The following ZNF385D variants were observed in gnomAD, a reference collection of about 807,000 sequenced individuals.
The protein encoded by ZNF385D is zinc finger protein 659.
A neutral mutation model predicts 35.8 loss-of-function variants in ZNF385D; 15 were observed. The observed-to-expected ratio is 0.42, with a 90% CI of 0.28 to 0.64. The LOEUF (loss-of-function observed/expected upper bound fraction) is 0.64, where lower values mean the gene tolerates loss of function less well. ZNF385D is among the 30% of genes least tolerant of loss of function. The probability of loss-of-function intolerance (pLI) is 0.23; values close to 1 mark genes in which losing one functional copy is unlikely to be tolerated. For missense variants in ZNF385D, 474 were observed against 494.6 expected (o/e 0.96, Z 0.39); for synonymous variants, 212 against 186.8 (o/e 1.13, Z -1.10).
chr3:22,118,189 GTCTC>G (rs1281746238), intron 3 of ZNF385D, among the ~76,000 whole-genome samples: 3 of 152,008 alleles, frequency 2.0e-5, no homozygotes, highest in Non-Finnish European at 4.4e-5. Context: ...AATTGCTAAT[GTCTC>G]TCTTATTCCA....
intron 2 of ZNF385D, among the ~76,000 whole-genome samples, chr3:21,641,653 T>TA (rs71618867): frequency 3.6e-5 from 5 of 140,592 alleles, no homozygotes; most frequent in African/African-American, 8.1e-5. Flanking sequence ...TTTTTTTTTT[T>TA]AATATAGAGA....
intron 3 of ZNF385D, among the ~76,000 whole-genome samples, chr3:22,068,161 G>A (rs1451542843): frequency 1.3e-5 from 2 of 152,184 alleles, no homozygotes; most frequent in African/African-American, 2.4e-5. Flanking sequence ...CGGTTCATCT[G>A]CCTTACTTTA....
intron 3 of ZNF385D, among the ~76,000 whole-genome samples, chr3:22,025,441 C>T (rs556474413): frequency 6.6e-6 from 1 of 152,172 alleles, no homozygotes; most frequent in South Asian, 2.1e-4. Context: ...TTTGAGTTCT[C>T]TAATCTATAT....
chr3:22,022,315 C>G (rs191002099), intron 3 of ZNF385D, among the ~76,000 whole-genome samples: 8 of 152,170 alleles, frequency 5.3e-5, no homozygotes, highest in Admixed American at 3.9e-4. Context: ...ACATTAATTA[C>G]TGAATTAATG....
chr3:21,749,391 A>T (rs571075562), intron 1 of ZNF385D, among the ~76,000 whole-genome samples: 1 of 152,202 alleles, frequency 6.6e-6, no homozygotes, highest in Admixed American at 6.5e-5. Flanking sequence ...CGACGATCAC[A>T]TAAGGAATTG....
intron 3 of ZNF385D, among the ~76,000 whole-genome samples, chr3:21,953,971 G>A (rs977699812): frequency 2.6e-5 from 4 of 151,982 alleles, no homozygotes; most frequent in Admixed American, 1.3e-4. Context: ...TTATAAAATC[G>A]TGGATAAATA....
At chr3:22,271,657 G>C (rs1701183938) in intron 2 of ZNF385D, among the ~76,000 whole-genome samples, 1 of 151,632 alleles carries the variant, frequency 6.6e-6, no homozygotes, top group Non-Finnish European at 1.5e-5. Context: ...TTGTGCACTT[G>C]CTGTTCTTTA....
intron 1 of ZNF385D, among the ~76,000 whole-genome samples, chr3:21,674,493 C>G (rs2066664465): frequency 6.6e-6 from 1 of 152,034 alleles, no homozygotes; most frequent in Non-Finnish European, 1.5e-5. Context: ...ATTTAGACCC[C>G]AAAATGTGAA....
intron 2 of ZNF385D, among the ~76,000 whole-genome samples, chr3:22,287,602 T>C (rs1259705884): frequency 1.3e-5 from 2 of 151,966 alleles, no homozygotes; most frequent in African/African-American, 4.8e-5. Flanking sequence ...TTTAAACTAA[T>C]AAAAATCTAA....
chr3:22,120,430 C>A (rs190617249), intron 3 of ZNF385D, among the ~76,000 whole-genome samples: 7 of 152,156 alleles, frequency 4.6e-5, no homozygotes, highest in South Asian at 2.1e-4. Flanking sequence ...ACCCTTATGA[C>A]CTCGTATAAG....
chr3:22,089,715 T>C (rs1362111586), intron 3 of ZNF385D, among the ~76,000 whole-genome samples: 1 of 152,222 alleles, frequency 6.6e-6, no homozygotes, highest in Non-Finnish European at 1.5e-5. Context: ...TCTTTGAGCA[T>C]GCTATCTCAG....
chr3:21,603,333 G>C (rs1286813939), intron 2 of ZNF385D, among the ~76,000 whole-genome samples: 2 of 152,134 alleles, frequency 1.3e-5, no homozygotes, highest in Admixed American at 6.5e-5. Context: ...AAGGGAATTT[G>C]GCAATGTCTT....
At chr3:21,650,953 A>T (rs1399563254) in intron 2 of ZNF385D, among the ~76,000 whole-genome samples, 3 of 152,100 alleles carry the variant, frequency 2.0e-5, no homozygotes, top group Non-Finnish European at 4.4e-5. Context: ...TATGATTTTC[A>T]GGACCTCGCA....
intron 2 of ZNF385D, among the ~76,000 whole-genome samples, chr3:21,591,443 A>G (rs190513077): frequency 4.6e-5 from 7 of 152,296 alleles, no homozygotes; most frequent in Non-Finnish European, 1.0e-4. Flanking sequence ...GAAATTTAAT[A>G]GACTTCCAGA....
chr3:22,159,102 T>C (rs1451872832), intron 3 of ZNF385D, among the ~76,000 whole-genome samples: 2 of 151,932 alleles, frequency 1.3e-5, no homozygotes, highest in African/African-American at 2.4e-5. Flanking sequence ...AAGGTAGCTC[T>C]ATGTGTACTA....
rs1035775446 is a variant in ZNF385D at position 22,238,876 on chromosome 3, GCATGCAC to G, written c.107-69848_107-69842del. Among the ~76,000 whole-genome samples, 4 of 150,380 alleles carry G rather than the reference GCATGCAC, an allele frequency of 2.7e-5. 1 individual carries two copies. Among genetic ancestry groups the G allele is most frequent in the African/African-American group, 9.9e-5 (4 of 40,438 alleles). Reference sequence around the variant, plus strand: ...GCCTCTGGAGTAGCTGGGATTACAGGCATGCACCACTATGCAGTTATTTTTTCTTTTG... The same window carrying G: ...GCCTCTGGAGTAGCTGGGATTACAGGCACTATGCAGTTATTTTTTCTTTTG... On this transcript the variant is annotated intron_variant, in intron 2 of 5. Transcript: ENST00000494108.
At chr3:22,041,361 A>C (rs886846627) in intron 3 of ZNF385D, among the ~76,000 whole-genome samples, 1 of 152,162 alleles carries the variant, frequency 6.6e-6, no homozygotes. Flanking sequence ...ACCTAGCTCC[A>C]CACAACCACA....
intron 3 of ZNF385D, among the ~76,000 whole-genome samples, chr3:22,080,845 C>G (rs982631245): frequency 2.0e-5 from 3 of 151,954 alleles, no homozygotes; most frequent in Non-Finnish European, 4.4e-5. Context: ...CCTTGCTCCA[C>G]GTGAGGACAC....
chr3:21,768,288 T>C (rs1438977493), intron 3 of ZNF385D, among the ~76,000 whole-genome samples: 2 of 152,122 alleles, frequency 1.3e-5, no homozygotes, highest in African/African-American at 4.8e-5. Flanking sequence ...TAATCATACC[T>C]TAACAGCATA....
Sources: gnomAD v4.1 joint callset for allele counts (sites outside exome capture counted in the v4.1 genomes callset) on GRCh38, gnomAD v4.1.1 for gene constraint, MANE v1.5 for transcripts, NCBI Gene and HGNC (gene_info 2026-07-23, HGNC 2026-07-21) for gene names.